OPCML: variants seen among roughly 807,000 people sequenced by gnomAD.
OPCML encodes the protein opioid-binding protein/cell adhesion molecule.
OPCML carries 13 observed loss-of-function variants against 37.8 expected under a neutral mutation model. The observed-to-expected ratio is 0.34, with a 90% CI of 0.22 to 0.55. The LOEUF (loss-of-function observed/expected upper bound fraction) is 0.55, where lower values mean the gene tolerates loss of function less well. OPCML is among the 20% of genes least tolerant of loss of function. The probability of loss-of-function intolerance (pLI) is 0.91; values close to 1 mark genes in which losing one functional copy is unlikely to be tolerated. For missense variants in OPCML, 341 were observed against 435.6 expected, an observed-to-expected ratio of 0.78 and a Z score of 1.93; for synonymous variants, 176 against 168.8, an observed-to-expected ratio of 1.04 and a Z score of -0.33.
Position 132,875,208 on chromosome 11 carries a change from T to G in OPCML, c.146+67718A>C, listed in dbSNP as rs533598903. ...CATGCTACATTATGAAGCTACTTAC[T>G]GTTGAATCCATCTTTCCCTTTTCTA... On this transcript the variant is annotated intron_variant, in intron 2 of 7. Transcript: ENST00000524381. Among the ~76,000 whole-genome samples, 12 of 152,318 alleles carry G rather than the reference T, an allele frequency of 7.9e-5. No homozygotes were observed. In the East Asian group the frequency reaches 2.3e-3, roughly 29 times the overall value.
intron 1 of OPCML, among the ~76,000 whole-genome samples, chr11:133,270,129 T>G (rs1223828569): frequency 6.6e-6 from 1 of 152,228 alleles, no homozygotes; most frequent in Non-Finnish European, 1.5e-5. Context: ...TACTTGCTAC[T>G]CTGTTAATTT....
intron 2 of OPCML, among the ~76,000 whole-genome samples, chr11:132,841,923 A>AAGGAC (rs1555197027): frequency 1.3e-5 from 2 of 151,688 alleles, no homozygotes; most frequent in African/African-American, 2.4e-5. Context: ...AGTTTCAACA[A>AAGGAC]AGGACAAGAT....
intron 4 of OPCML, among the ~76,000 whole-genome samples, chr11:132,483,382 G>A (rs1034277899): frequency 6.6e-6 from 1 of 151,990 alleles, no homozygotes; most frequent in Non-Finnish European, 1.5e-5. Context: ...CCTCTTCAAG[G>A]AGAACTACAA....
chr11:132,757,421 T>C (rs1296244094), intron 2 of OPCML, among the ~76,000 whole-genome samples: 1 of 152,226 alleles, frequency 6.6e-6, no homozygotes, highest in African/African-American at 2.4e-5. Context: ...CCACCAACAT[T>C]GTAAAAGCGT....
chr11:133,514,915 A>G (rs1948233281), intron 1 of OPCML, among the ~76,000 whole-genome samples: 1 of 152,216 alleles, frequency 6.6e-6, no homozygotes, highest in South Asian at 2.1e-4. Flanking sequence ...CAGCTAAATT[A>G]ATAATGCAGC....
At chr11:133,152,832 C>T (rs1365892382) in intron 1 of OPCML, among the ~76,000 whole-genome samples, 11 of 151,538 alleles carry the variant, frequency 7.3e-5, no homozygotes, top group Non-Finnish European at 4.4e-5. Context: ...AATTTGCTGT[C>T]TAGTTGTGTG....
intron 4 of OPCML, among the ~76,000 whole-genome samples, chr11:132,501,914 A>G (rs909127356): frequency 6.6e-6 from 1 of 152,190 alleles, no homozygotes; most frequent in African/African-American, 2.4e-5. Flanking sequence ...TTTCAGATGA[A>G]TCTGTTTCTG....
chr11:133,306,877 C>G (rs1159086547), intron 1 of OPCML, among the ~76,000 whole-genome samples: 1 of 152,160 alleles, frequency 6.6e-6, no homozygotes, highest in Non-Finnish European at 1.5e-5. Context: ...TATCCTTAAC[C>G]AAGACACATA....
intron 4 of OPCML, among the ~76,000 whole-genome samples, chr11:132,488,461 C>T (rs1017746753): frequency 6.6e-6 from 1 of 152,058 alleles, no homozygotes; most frequent in Non-Finnish European, 1.5e-5. Context: ...CAAATCTGTA[C>T]TGAATACTGT....
At chr11:132,914,976 C>T (rs996412378) in intron 2 of OPCML, among the ~76,000 whole-genome samples, 1 of 152,230 alleles carries the variant, frequency 6.6e-6, no homozygotes, top group Non-Finnish European at 1.5e-5. Context: ...CCCTCCAGGT[C>T]TGACAACCTT....
At chr11:133,507,220 A>T (rs1367300006) in intron 1 of OPCML, among the ~76,000 whole-genome samples, 1 of 152,188 alleles carries the variant, frequency 6.6e-6, no homozygotes, top group Non-Finnish European at 1.5e-5. Flanking sequence ...CTGATACTGG[A>T]CTGAGAAGAC....
At chr11:133,012,793 T>C (rs2136879294) in intron 1 of OPCML, among the ~76,000 whole-genome samples, 1 of 148,490 alleles carries the variant, frequency 6.7e-6, no homozygotes, top group South Asian at 2.1e-4. Context: ...GAGAATCACT[T>C]GAACCAGGGA....
intron 1 of OPCML, among the ~76,000 whole-genome samples, chr11:133,399,752 G>A (rs982498551): frequency 5.3e-5 from 8 of 151,978 alleles, no homozygotes; most frequent in African/African-American, 1.7e-4. Flanking sequence ...CCCAGACACA[G>A]CCTCATGCTA....
chr11:133,330,854 A>C (rs966264312), intron 1 of OPCML, among the ~76,000 whole-genome samples: 2 of 152,302 alleles, frequency 1.3e-5, no homozygotes, highest in African/African-American at 4.8e-5. Context: ...AATTTAAAAA[A>C]ATGTTCTCAT....
At chr11:133,520,739 C>T (rs1290437526) in intron 1 of OPCML, among the ~76,000 whole-genome samples, 3 of 152,168 alleles carry the variant, frequency 2.0e-5, no homozygotes, top group East Asian at 1.9e-4. Context: ...CTGGTCTTCA[C>T]GGAGCCAGAG....
At chr11:132,707,559 T>C (rs1944084619) in intron 2 of OPCML, among the ~76,000 whole-genome samples, 1 of 152,206 alleles carries the variant, frequency 6.6e-6, no homozygotes, top group Non-Finnish European at 1.5e-5. Context: ...ACTTCTAGTA[T>C]AGACACATTA....
chr11:132,813,546 C>T (rs1939465461), intron 2 of OPCML, among the ~76,000 whole-genome samples: 1 of 152,148 alleles, frequency 6.6e-6, no homozygotes, highest in African/African-American at 2.4e-5. Flanking sequence ...CAACCTTCTC[C>T]TCTCTTCTGT....
At chr11:132,631,352 C>CAT (rs61450463) in intron 3 of OPCML, among the ~76,000 whole-genome samples, 2,644 of 142,648 alleles carry the variant, frequency 0.019, 34 homozygotes, top group East Asian at 0.063. Flanking sequence ...ACCATATATA[C>CAT]ATATATATAT....
chr11:132,645,809 C>T (rs1941117275), intron 3 of OPCML, among the ~76,000 whole-genome samples: 1 of 152,240 alleles, frequency 6.6e-6, no homozygotes. Flanking sequence ...ACACTAGTCA[C>T]AACTGAAGTT....
Sources: gnomAD v4.1 joint callset for allele counts (sites outside exome capture counted in the v4.1 genomes callset) on GRCh38, gnomAD v4.1.1 for gene constraint, MANE v1.5 for transcripts, NCBI Gene and HGNC (gene_info 2026-07-23, HGNC 2026-07-21) for gene names.